The following CNTN5 variants were observed in gnomAD, a reference collection of about 807,000 sequenced individuals.
The protein encoded by CNTN5 is contactin 5.
Under a neutral mutation model 129.1 loss-of-function variants are expected in CNTN5, and 77 were observed. The observed-to-expected ratio is 0.60, with a 90% CI of 0.50 to 0.72. CNTN5 has a LOEUF of 0.72. Among genes scored for constraint, CNTN5 ranks in the 30% least tolerant of loss-of-function variants. The pLI is 0.00. For missense variants in CNTN5, 1,478 were observed against 1,328.8 expected, an observed-to-expected ratio of 1.11 and a Z score of -1.75; for synonymous variants, 509 against 465.6, an observed-to-expected ratio of 1.09 and a Z score of -1.20.
intron 3 of CNTN5, chr11:99,558,209 G>GT: frequency 3.4e-6 from 1 of 291,742 alleles, no homozygotes; most frequent in South Asian, 2.9e-5. Flanking sequence ...TTTTTTTTGT[G>GT]CAGCATTACT....
chr11:100,106,533 G>A (rs968523794), intron 13 of CNTN5, among the ~76,000 whole-genome samples: 1 of 152,116 alleles, frequency 6.6e-6, no homozygotes, highest in South Asian at 2.1e-4. Context: ...CTCTACCGTT[G>A]TAATTTAAGA....
chr11:99,750,343 T>A (rs578199450), intron 3 of CNTN5, among the ~76,000 whole-genome samples: 3 of 152,266 alleles, frequency 2.0e-5, no homozygotes, highest in Non-Finnish European at 4.4e-5. Context: ...AGAATTTCAG[T>A]GATTATAGTC....
chr11:100,017,808 G>C (rs532815047), intron 9 of CNTN5, among the ~76,000 whole-genome samples: 33 of 150,026 alleles, frequency 2.2e-4, no homozygotes, highest in Middle Eastern at 3.4e-3. Flanking sequence ...TGGAAAGAAG[G>C]GTTGAAATAC....
At chr11:99,651,536 G>A (rs1329175110) in intron 3 of CNTN5, among the ~76,000 whole-genome samples, 1 of 151,870 alleles carries the variant, frequency 6.6e-6, no homozygotes, top group Non-Finnish European at 1.5e-5. Context: ...GATATAAAGT[G>A]TTTTAGCTAT....
At chr11:99,470,491 G>A (rs529249444) in intron 2 of CNTN5, among the ~76,000 whole-genome samples, 1 of 151,926 alleles carries the variant, frequency 6.6e-6, no homozygotes, top group South Asian at 2.1e-4. Flanking sequence ...AATGAAATAA[G>A]TCTTCAATTT....
At chr11:100,279,455 T>C (rs532343702) in intron 18 of CNTN5, among the ~76,000 whole-genome samples, 103 of 151,822 alleles carry the variant, frequency 6.8e-4, no homozygotes, top group African/African-American at 1.9e-3. Context: ...TCTTTTTTTT[T>C]CCCTCTGGAT....
intron 1 of CNTN5, among the ~76,000 whole-genome samples, chr11:99,292,023 G>A (rs1161312767): frequency 3.3e-5 from 5 of 151,910 alleles, no homozygotes; most frequent in South Asian, 4.1e-4. Context: ...TTCCACTTTC[G>A]GTCCATTTGC....
chr11:99,882,788 C>G (rs1319682789), intron 6 of CNTN5, among the ~76,000 whole-genome samples: 1 of 152,152 alleles, frequency 6.6e-6, no homozygotes, highest in Non-Finnish European at 1.5e-5. Context: ...GTCGTGCTAT[C>G]AAATAGTAAG....
intron 8 of CNTN5, among the ~76,000 whole-genome samples, chr11:99,964,418 T>C (rs931655674): frequency 6.6e-6 from 1 of 152,256 alleles, no homozygotes; most frequent in Admixed American, 6.5e-5. Flanking sequence ...GTGATAATCA[T>C]GTGGTTTTTG....
chr11:99,127,596 T>A (rs1555052342), intron 1 of CNTN5, among the ~76,000 whole-genome samples: 1 of 152,224 alleles, frequency 6.6e-6, no homozygotes, highest in South Asian at 2.1e-4. Context: ...TTCTCTCTGG[T>A]CGGTGTTCTA....
chr11:100,144,384 C>A (rs1177822755), intron 13 of CNTN5, among the ~76,000 whole-genome samples: 1 of 152,072 alleles, frequency 6.6e-6, no homozygotes, highest in African/African-American at 2.4e-5. Context: ...TTTCCTTCCA[C>A]TTTTTGGAGT....
At chr11:99,934,283 G>A (rs959052579) in intron 7 of CNTN5, among the ~76,000 whole-genome samples, 1 of 152,106 alleles carries the variant, frequency 6.6e-6, no homozygotes, top group Non-Finnish European at 1.5e-5. Context: ...CTTAGTTGAA[G>A]AATCTTTTTC....
At chr11:99,059,280 C>A (rs1486276648) in intron 1 of CNTN5, among the ~76,000 whole-genome samples, 1 of 151,996 alleles carries the variant, frequency 6.6e-6, no homozygotes, top group African/African-American at 2.4e-5. Flanking sequence ...ACTTTCTTGT[C>A]CTTCATTATC....
At chr11:99,865,549 A>T (rs533082243) in intron 6 of CNTN5, among the ~76,000 whole-genome samples, 1 of 152,062 alleles carries the variant, frequency 6.6e-6, no homozygotes, top group South Asian at 2.1e-4. Context: ...CTGCCAAATG[A>T]TATATAAATT....
chr11:99,476,970 A>AT (rs1233931260), intron 2 of CNTN5, among the ~76,000 whole-genome samples: 2 of 151,626 alleles, frequency 1.3e-5, no homozygotes, highest in Non-Finnish European at 2.9e-5. Flanking sequence ...ACCTTTACTT[A>AT]TTTTTGTGGT....
chr11:99,592,364 G>A (rs1403549367), intron 3 of CNTN5, among the ~76,000 whole-genome samples: 1 of 152,190 alleles, frequency 6.6e-6, no homozygotes, highest in Non-Finnish European at 1.5e-5. Flanking sequence ...TCAAGAACAA[G>A]TTGCCAGCAA....
At chr11:99,593,375 A>G (rs591218) in intron 3 of CNTN5, among the ~76,000 whole-genome samples, 148,055 of 152,260 alleles carry the variant, frequency 0.97, 72,118 homozygotes, top group East Asian at 1. Context: ...CTTGTCACTG[A>G]TTTGAAAGGA....
chr11:100,133,815 T>A (rs1946447795), intron 13 of CNTN5, among the ~76,000 whole-genome samples: 1 of 152,172 alleles, frequency 6.6e-6, no homozygotes, highest in Non-Finnish European at 1.5e-5. Context: ...ATCAAGATAC[T>A]TGCTGGTAAC....
intron 3 of CNTN5, among the ~76,000 whole-genome samples, chr11:99,662,490 C>G (rs1274045252): frequency 6.6e-6 from 1 of 152,152 alleles, no homozygotes; most frequent in Non-Finnish European, 1.5e-5. Context: ...CAATGGTTAT[C>G]AATTTCTGAA....
Sources: gnomAD v4.1 joint callset for allele counts (sites outside exome capture counted in the v4.1 genomes callset) on GRCh38, gnomAD v4.1.1 for gene constraint, MANE v1.5 for transcripts, NCBI Gene and HGNC (gene_info 2026-07-23, HGNC 2026-07-21) for gene names.